FAM135B: variants seen among roughly 807,000 people sequenced by gnomAD.
FAM135B encodes protein FAM135B.
In FAM135B, 43 loss-of-function variants were observed where a neutral mutation model predicts 127.7. The ratio of observed to expected loss-of-function variants is 0.34; its 90% CI spans 0.26 to 0.43. The LOEUF (loss-of-function observed/expected upper bound fraction) is 0.43. Among genes scored for constraint, FAM135B ranks in the 20% least tolerant of loss-of-function variants. The probability of loss-of-function intolerance (pLI) is 1.00; values close to 1 mark genes in which losing one functional copy is unlikely to be tolerated. For synonymous variants in FAM135B, 670 were observed against 665.1 expected, an observed-to-expected ratio of 1.01 and a Z score of -0.11; for missense variants, 1,558 against 1,725.6, an observed-to-expected ratio of 0.90 and a Z score of 1.72.
At chr8:138,487,875 G>A (rs1205000268) in intron 1 of FAM135B, among the ~76,000 whole-genome samples, 1 of 152,060 alleles carries the variant, frequency 6.6e-6, no homozygotes. Flanking sequence ...GTGGTGGTGG[G>A]CACCTGGAAT....
intron 2 of FAM135B, among the ~76,000 whole-genome samples, chr8:138,323,908 T>A (rs1431755651): frequency 2.0e-5 from 3 of 152,222 alleles, no homozygotes; most frequent in African/African-American, 7.2e-5. Flanking sequence ...TATACCATAA[T>A]TGAAGGTTCC....
chr8:138,288,089 CCAAT>C (rs1432601672), intron 3 of FAM135B, among the ~76,000 whole-genome samples: 3 of 152,082 alleles, frequency 2.0e-5, no homozygotes, highest in Non-Finnish European at 4.4e-5. Context: ...AAGGAAATAA[CCAAT>C]CAGTGTTGGT....
chr8:138,325,726 G>A (rs746914622), intron 2 of FAM135B, among the ~76,000 whole-genome samples: 5 of 152,048 alleles, frequency 3.3e-5, no homozygotes, highest in African/African-American at 4.8e-5. Flanking sequence ...TCCTCTTCTC[G>A]TTCATATTAA....
At position 138,242,284 on chromosome 8, in the gene FAM135B, G is replaced by A. The variant is rs1820867105; in HGVS notation, c.669+658C>T. On this transcript the variant is annotated intron_variant, in intron 7 of 19. Transcript: ENST00000395297. This position sits in a 1 kb window ranked among gnomAD's most constrained non-coding sequence, Gnocchi z 9.6. Reference sequence around the variant, plus strand: ...AATAATACAGGCTGTTTATTTATGAGTAGGCCACTAATAAAAACATAGCAT... The same window carrying A: ...AATAATACAGGCTGTTTATTTATGAATAGGCCACTAATAAAAACATAGCAT... Among the ~76,000 whole-genome samples, 1 of 151,206 alleles carries A rather than the reference G, an allele frequency of 6.6e-6. No homozygotes were observed. The highest frequency in any genetic ancestry group is 1.5e-5 in the Non-Finnish European group (1 of 67,926).
At chr8:138,368,929 C>A (rs1830941941) in intron 1 of FAM135B, among the ~76,000 whole-genome samples, 1 of 152,012 alleles carries the variant, frequency 6.6e-6, no homozygotes, top group Non-Finnish European at 1.5e-5. Context: ...TAAAGTATTC[C>A]ATGTAAGTTG....
chr8:138,460,854 G>T (rs1462989507), intron 1 of FAM135B, among the ~76,000 whole-genome samples: 1 of 152,090 alleles, frequency 6.6e-6, no homozygotes, highest in Non-Finnish European at 1.5e-5. Flanking sequence ...AATAGCTAAG[G>T]ACGGCAAAGA....
chr8:138,173,178 T>C (rs892957266), intron 11 of FAM135B, among the ~76,000 whole-genome samples: 2 of 152,146 alleles, frequency 1.3e-5, no homozygotes, highest in African/African-American at 4.8e-5. Flanking sequence ...TCCTGAAACA[T>C]ACAGGACCTG....
chr8:138,363,471 T>C (rs932114235), intron 2 of FAM135B, among the ~76,000 whole-genome samples: 1 of 152,152 alleles, frequency 6.6e-6, no homozygotes, highest in Non-Finnish European at 1.5e-5. Context: ...TCCTCAGTAC[T>C]TCCCTGCCCC....
chr8:138,336,360 C>G (rs1828587084), intron 2 of FAM135B, among the ~76,000 whole-genome samples: 1 of 151,982 alleles, frequency 6.6e-6, no homozygotes, highest in Admixed American at 6.6e-5. Context: ...AGACCTCTAG[C>G]AAGACTAATA....
At chr8:138,244,791 G>A (rs978812110) in intron 6 of FAM135B, among the ~76,000 whole-genome samples, 1 of 152,126 alleles carries the variant, frequency 6.6e-6, no homozygotes, top group Non-Finnish European at 1.5e-5. Context: ...GTCTTAATTA[G>A]CTTTTCTGGT....
chr8:138,304,559 T>C (rs1301614756), intron 3 of FAM135B, among the ~76,000 whole-genome samples: 4 of 151,970 alleles, frequency 2.6e-5, no homozygotes, highest in South Asian at 4.2e-4. Flanking sequence ...TATAAGTCCA[T>C]TGGGAGGAGA....
At chr8:138,376,190 A>G (rs757276037) in intron 1 of FAM135B, among the ~76,000 whole-genome samples, 21 of 151,968 alleles carry the variant, frequency 1.4e-4, no homozygotes, top group Non-Finnish European at 2.6e-4. Flanking sequence ...TGATCCGCCC[A>G]CCTCAGCCTC....
At chr8:138,421,540 G>T (rs572326515) in intron 1 of FAM135B, among the ~76,000 whole-genome samples, 1 of 151,864 alleles carries the variant, frequency 6.6e-6, no homozygotes, top group African/African-American at 2.4e-5. Flanking sequence ...ATTCACAATA[G>T]TCACAAATAT....
intron 1 of FAM135B, among the ~76,000 whole-genome samples, chr8:138,380,667 C>A (rs1831796483): frequency 6.6e-6 from 1 of 151,884 alleles, no homozygotes; most frequent in African/African-American, 2.4e-5. Flanking sequence ...AGATTTGTAG[C>A]CCGTTGATCT....
chr8:138,380,995 A>C (rs1363016412), intron 1 of FAM135B, among the ~76,000 whole-genome samples: 2 of 151,696 alleles, frequency 1.3e-5, no homozygotes, highest in African/African-American at 2.4e-5. Flanking sequence ...ACAAAAAAAA[A>C]CAGAACATTT....
intron 7 of FAM135B, among the ~76,000 whole-genome samples, chr8:138,226,813 C>G (rs142024334): frequency 6.6e-6 from 1 of 152,200 alleles, no homozygotes; most frequent in Non-Finnish European, 1.5e-5. Flanking sequence ...CTGCCCACCT[C>G]AGCCTCCCAA....
chr8:138,154,467 T>A (rs1208192585), intron 12 of FAM135B, among the ~76,000 whole-genome samples: 2 of 152,082 alleles, frequency 1.3e-5, no homozygotes, highest in Non-Finnish European at 2.9e-5. Context: ...GAAGTACGCT[T>A]CAGATGATCG....
Position 138,281,259 on chromosome 8 carries a change from G to A in FAM135B, c.158-15417C>T, listed in dbSNP as rs762273368. Among the ~76,000 whole-genome samples, 23 of 151,724 alleles carry A rather than the reference G, an allele frequency of 1.5e-4. 1 individual carries two copies. Among genetic ancestry groups the A allele is most frequent in the African/African-American group, 5.1e-4 (21 of 41,352 alleles). On this transcript the variant is annotated intron_variant, in intron 3 of 19. Coordinates refer to ENST00000395297, the MANE Select transcript of FAM135B (RefSeq NM_015912.4). The stretch of plus-strand genomic sequence containing the variant: ...CAACATTTCCTCCTAAACCAGATTC[G>A]TCCCAATAATGTTGAAATATATTCA...
Position 138,308,320 on chromosome 8 carries a change from G to A in FAM135B, c.157+2521C>T, listed in dbSNP as rs146231394. Among the ~76,000 whole-genome samples the A allele has an allele frequency of 3.2e-4, 48 of 152,302 alleles. No homozygotes were observed. The East Asian group carries it at 4.3e-3, about 13-fold the overall frequency. ...AGCTGAGATCTCAGCTGAAGGTAGT[G>A]CATAAATGTCCCCAGCCTAGGCTGG... is the stretch of plus-strand genomic sequence containing the variant. On this transcript the variant is annotated intron_variant, in intron 3 of 19. Coordinates refer to ENST00000395297, the MANE Select transcript of FAM135B (RefSeq NM_015912.4).
Sources: allele counts gnomAD v4.1 joint callset (sites outside exome capture counted in the v4.1 genomes callset), GRCh38; gene constraint gnomAD v4.1.1; non-coding constraint Gnocchi (gnomAD v3.1); transcripts MANE v1.5; gene names NCBI Gene and HGNC (gene_info 2026-07-23, HGNC 2026-07-21).